Variants in DGKH observed in about 807,000 individuals in gnomAD.
The protein encoded by DGKH is diacylglycerol kinase eta.
DGKH carries 90 observed loss-of-function variants against 159.3 expected under a neutral mutation model. The ratio of observed to expected loss-of-function variants is 0.57; its 90% confidence interval spans 0.48 to 0.67. The LOEUF is 0.67. Ranked by LOEUF, DGKH falls within the 30% of genes least tolerant of loss-of-function variation. The pLI is 0.00. For synonymous variants in DGKH, 536 were observed against 553.8 expected (o/e 0.97, Z 0.45); for missense variants, 1,181 against 1,506.1 (o/e 0.78, Z 3.57).
At position 42,092,910 on chromosome 13, in the gene DGKH, A is replaced by T. The variant is rs531125555; in HGVS notation, c.193-34553A>T. On this transcript the variant is annotated intron_variant, in intron 1 of 29. Transcript: ENST00000337343. ...CAATGCAAAAGTACAAAAAAATTTA[A>T]GAAGAAGGTATACAAATCATCAGCA... Among the ~76,000 whole-genome samples, 3 of 152,230 alleles carry T rather than the reference A, an allele frequency of 2.0e-5. No individual in the cohort carries two copies. In the South Asian group the frequency reaches 6.2e-4, roughly 32 times the overall value.
chr13:42,185,539 C>G (rs973918600), intron 13 of DGKH, among the ~76,000 whole-genome samples: 13 of 152,150 alleles, frequency 8.5e-5, no homozygotes, highest in African/African-American at 3.1e-4. Flanking sequence ...ATGACATATG[C>G]AGTTTCACAA....
At chr13:42,061,988 G>GGGGTGTGTGT (rs145261789) in intron 1 of DGKH, among the ~76,000 whole-genome samples, 61 of 149,786 alleles carry the variant, frequency 4.1e-4, no homozygotes, top group East Asian at 1.2e-3. Flanking sequence ...TGTGTGTGTG[G>GGGGTGTGTGT]GTGTGTGTGT....
At chr13:42,061,382 C>T (rs115817543) in intron 1 of DGKH, among the ~76,000 whole-genome samples, 6,177 of 152,168 alleles carry the variant, frequency 0.041, 392 homozygotes, top group African/African-American at 0.14. Context: ...GCTTGTAGGC[C>T]GCTCTTTGTT....
chr13:42,071,799 T>C (rs556159882), intron 1 of DGKH, among the ~76,000 whole-genome samples: 4 of 152,334 alleles, frequency 2.6e-5, no homozygotes, highest in Admixed American at 2.0e-4. Context: ...GGTCTCTGGC[T>C]GTGCTGGCGG....
intron 16 of DGKH, among the ~76,000 whole-genome samples, chr13:42,191,740 T>C (rs1245997023): frequency 6.6e-6 from 1 of 152,198 alleles, no homozygotes; most frequent in Non-Finnish European, 1.5e-5. Context: ...TTTATTAATA[T>C]GTTGTTGCTA....
Position 42,189,231 on chromosome 13 carries a change from G to A in DGKH, c.1834G>A (p.Val612Ile), listed in dbSNP as rs1444044828. 5 of 1,614,068 alleles carry A rather than the reference G, an allele frequency of 3.1e-6. No individual in the cohort carries two copies. The highest frequency in any genetic ancestry group is 1.7e-5 in the Admixed American group (1 of 59,990). The change falls in exon 15 of 30, where the codon GTC becomes ATC. Residue 612 changes from valine to isoleucine, a missense_variant. Coordinates refer to ENST00000337343, the MANE Select transcript of DGKH (RefSeq NM_178009.5). Reference sequence around the variant, plus strand: ...TACAAAACCTTCCTCCCAGAAAGCCGTCAAACCAAGGGAAATCATGTTGCG... The same window carrying A: ...TACAAAACCTTCCTCCCAGAAAGCCATCAAACCAAGGGAAATCATGTTGCG... ...DVTKPSSQKA[V>I]KPREIMLRAN...
chr13:42,249,821 CCTGG>C (rs1958607908), intron 29 of DGKH, among the ~76,000 whole-genome samples: 1 of 151,764 alleles, frequency 6.6e-6, no homozygotes, highest in South Asian at 2.1e-4. Flanking sequence ...CAGGAACCAC[CCTGG>C]ACCTACACAA....
At chr13:42,093,775 A>G (rs993381469) in intron 1 of DGKH, among the ~76,000 whole-genome samples, 1 of 152,206 alleles carries the variant, frequency 6.6e-6, no homozygotes. Context: ...ATATTTCTGT[A>G]TGATTCCACT....
intron 22 of DGKH, 51 bp downstream of exon 22, chr13:42,209,123 G>A (rs758243623): frequency 6.5e-7 from 1 of 1,530,526 alleles, no homozygotes; most frequent in African/African-American, 1.4e-5. Context: ...AAGGAGGGTT[G>A]AAGGAATCTA....
At chr13:42,111,046 C>T (rs1032648834) in intron 1 of DGKH, among the ~76,000 whole-genome samples, 1 of 151,490 alleles carries the variant, frequency 6.6e-6, no homozygotes, top group African/African-American at 2.4e-5. Flanking sequence ...ACATGCACCC[C>T]GGAACTTAAA....
At position 42,219,757 on chromosome 13, in the gene DGKH, G is replaced by C. The variant is rs866930279; in HGVS notation, c.3405G>C (p.Lys1135Asn). 6.2e-7 allele frequency: 1 copy of C among 1,613,640 alleles called. No individual in the cohort carries two copies. Among genetic ancestry groups the C allele is most frequent in the Middle Eastern group, 1.7e-4 (1 of 6,056 alleles). ...TTCGAATAGTGCCAAAGTTTAAAAA[G>C]GAAAAGGTTCAGAAGCAGAAGACAA... is the stretch of plus-strand genomic sequence containing the variant. Reference protein sequence around the residue: ...TVFRIVPKFKKEKVQKQKTSS... With the variant: ...TVFRIVPKFKNEKVQKQKTSS... Residue 1135 changes from lysine (K) to asparagine (N), a missense_variant, in exon 28 of 30, where the codon AAG becomes AAC. By Grantham distance (94) the Lys-to-Asn change is moderately conservative. Around this residue, in one of 5 missense-constraint regions of DGKH, gnomAD observed 335 missense variants for 495.2 expected, o/e 0.68. Transcript: ENST00000337343.
intron 1 of DGKH, among the ~76,000 whole-genome samples, chr13:42,094,844 C>T (rs1208269483): frequency 6.6e-6 from 1 of 152,176 alleles, no homozygotes; most frequent in African/African-American, 2.4e-5. Context: ...CTACCACTCA[C>T]TTATTTCCTG....
In DGKH at chr13:42,178,135, A is replaced by G. The variant is rs1956653383; in HGVS notation, c.1453A>G (p.Met485Val). 6.2e-7 allele frequency: 1 copy of G among 1,606,142 alleles called. No homozygotes were observed. ...CAGTGTAGAGTTTTCTTTTCTTCAG[A>G]TGACGATTTATGAAGACTCAGTTGC... Reference protein sequence around the residue: ...GPPEASEEFYMTIYEDSVATH... With the variant: ...GPPEASEEFYVTIYEDSVATH... Residue 485 changes from methionine (M) to valine (V), a missense_variant and splice_region_variant, in exon 13 of 30, where the codon ATG (methionine) becomes GTG (valine). By Grantham distance (21) the Met-to-Val change is conservative (BLOSUM62 1). Transcript: ENST00000337343.
intron 1 of DGKH, among the ~76,000 whole-genome samples, chr13:42,049,407 C>G (rs1471916178): frequency 3.9e-5 from 6 of 152,208 alleles, no homozygotes; most frequent in African/African-American, 1.4e-4. Context: ...TCTTCCCTGC[C>G]GTTCGGGGGA....
At chr13:42,154,723 CAG>C (rs938452963) in intron 3 of DGKH, among the ~76,000 whole-genome samples, 1 of 152,006 alleles carries the variant, frequency 6.6e-6, no homozygotes, top group African/African-American at 2.4e-5. Flanking sequence ...TAAATATTAA[CAG>C]AATATTCTTG....
chr13:42,169,786 T>C (rs570914770), intron 11 of DGKH, among the ~76,000 whole-genome samples: 6 of 152,294 alleles, frequency 3.9e-5, no homozygotes, highest in Non-Finnish European at 8.8e-5. Context: ...AAATAGAACA[T>C]TTGTCTCTGT....
chr13:42,065,755 T>A (rs1882517704), intron 1 of DGKH, among the ~76,000 whole-genome samples: 1 of 152,128 alleles, frequency 6.6e-6, no homozygotes, highest in African/African-American at 2.4e-5. Context: ...TCGGAGTAAG[T>A]AAGGGAAATA....
At chr13:42,047,562 TCGCAGCCCCCTCAC>T (rs1055932920), upstream of DGKH, among the ~76,000 whole-genome samples, 7 of 152,210 alleles carry the variant, frequency 4.6e-5, no homozygotes, top group Admixed American at 1.3e-4. Context: ...ATGTCTTCTC[TCGCAGCCCCCTCAC>T]CGCAGCCCCC....
chr13:42,111,926 G>C (rs138780004), intron 1 of DGKH, among the ~76,000 whole-genome samples: 1 of 152,136 alleles, frequency 6.6e-6, no homozygotes, highest in Non-Finnish European at 1.5e-5. Context: ...TTATACCTGG[G>C]TTGAGCATGG....
Sources: gnomAD v4.1 joint callset for allele counts (sites outside exome capture counted in the v4.1 genomes callset) on GRCh38, gnomAD v4.1.1 for gene constraint, gnomAD v4.1.1 regional missense constraint, MANE v1.5 for transcripts, NCBI Gene and HGNC (gene_info 2026-07-23, HGNC 2026-07-21) for gene names.